Variants in SLC16A10 observed in about 807,000 individuals in gnomAD.
The protein encoded by SLC16A10 is monocarboxylate transporter 10.
SLC16A10 carries 27 observed loss-of-function variants against 40.0 expected under a neutral mutation model. The ratio of observed to expected loss-of-function variants is 0.67; its 90% CI spans 0.50 to 0.93. The LOEUF is 0.93. SLC16A10 is among the 40% of genes least tolerant of loss of function. SLC16A10 has a pLI of 0.00. For synonymous variants in SLC16A10, 213 were observed against 249.8 expected, an observed-to-expected ratio of 0.85 and a Z score of 1.39; for missense variants, 529 against 658.2, an observed-to-expected ratio of 0.80 and a Z score of 2.15.
At chr6:111,094,110 C>T (rs1771030826) in intron 1 of SLC16A10, among the ~76,000 whole-genome samples, 1 of 152,114 alleles carries the variant, frequency 6.6e-6, no homozygotes, top group Non-Finnish European at 1.5e-5. Context: ...CACATTTTTT[C>T]AGGAGCGATT....
intron 3 of SLC16A10, among the ~76,000 whole-genome samples, chr6:111,188,011 A>C (rs1031847464): frequency 6.6e-6 from 1 of 152,106 alleles, no homozygotes; most frequent in Non-Finnish European, 1.5e-5. Flanking sequence ...ATCTCTGTTC[A>C]CTATAAGGTT....
intron 1 of SLC16A10, among the ~76,000 whole-genome samples, chr6:111,100,110 C>T (rs757419095): frequency 1.3e-5 from 2 of 151,438 alleles, no homozygotes; most frequent in African/African-American, 2.4e-5. Context: ...ATTTAAACTA[C>T]TACATTTAAA....
At chr6:111,191,574 A>G (rs1361003426) in intron 3 of SLC16A10, among the ~76,000 whole-genome samples, 5 of 152,192 alleles carry the variant, frequency 3.3e-5, no homozygotes, top group African/African-American at 7.2e-5. Flanking sequence ...TTCTGGTTCA[A>G]GTTCCTTGAG....
intron 2 of SLC16A10, among the ~76,000 whole-genome samples, chr6:111,174,786 C>T (rs1049415042): frequency 2.6e-5 from 4 of 152,238 alleles, no homozygotes; most frequent in Middle Eastern, 3.4e-3. Context: ...AGGTAGACAA[C>T]TTATGTAATC....
chr6:111,108,272 G>A (rs891259618), intron 1 of SLC16A10, among the ~76,000 whole-genome samples: 5 of 151,952 alleles, frequency 3.3e-5, no homozygotes, highest in Non-Finnish European at 5.9e-5. Context: ...CACCTGTCTC[G>A]GCCTTCCAAA....
chr6:111,174,295 C>T (rs1425381035), intron 2 of SLC16A10, among the ~76,000 whole-genome samples: 1 of 151,984 alleles, frequency 6.6e-6, no homozygotes, highest in Non-Finnish European at 1.5e-5. Context: ...AAAAATAAGT[C>T]AAATTTACAT....
rs1350895303 is a variant in SLC16A10 at position 111,229,045 on chromosome 6, A to AAT, written c.*6811_*6812insTA. 1 of 152,836 alleles carries AAT rather than the reference A, an allele frequency of 6.5e-6. No homozygotes were observed. The highest frequency in any genetic ancestry group is 1.9e-4 in the East Asian group (1 of 5,228). The allele number at this position is 152,836 out of a possible 1,614,324, so 9.5% of individuals were successfully genotyped here. A position where few individuals can be genotyped will look rare whatever the true frequency, so the allele number is the denominator to read the frequency against. ...ACTCTGTCTCAAAAAAAAAAAAAAA[A>AAT]AAAATAGTGCTGCATTTTGACCCTG... On this transcript the variant is annotated 3_prime_UTR_variant, in exon 6 of 6. Transcript: ENST00000368851.
chr6:111,111,447 A>G (rs1384662610), intron 1 of SLC16A10, among the ~76,000 whole-genome samples: 1 of 152,170 alleles, frequency 6.6e-6, no homozygotes, highest in East Asian at 1.9e-4. Context: ...TCATCTGGTC[A>G]TGGTGGCTCA....
chr6:111,164,062 A>G lies in SLC16A10; in HGVS notation c.344-8633A>G, dbSNP rs960968767. On this transcript the variant is annotated intron_variant, in intron 1 of 5. Transcript: ENST00000368851. ...CTAATGTTCAATTTACAGAAAAACC[A>G]TGTAATACCCTTTTGAATTTAGTCA... Among the ~76,000 whole-genome samples the G allele has an allele frequency of 9.2e-5, 14 of 152,370 alleles. 1 individual carries two copies. Among genetic ancestry groups the G allele is most frequent in the South Asian group, 2.1e-4 (1 of 4,826 alleles).
At position 111,104,738 on chromosome 6, in the gene SLC16A10, G is replaced by A. The variant is rs1040773359; in HGVS notation, c.343+16643G>A. Among the ~76,000 whole-genome samples the A allele has an allele frequency of 3.2e-4, 49 of 152,278 alleles. 1 individual carries two copies. The highest frequency in any genetic ancestry group is 1.2e-3 in the African/African-American group (48 of 41,558). On this transcript the variant is annotated intron_variant, in intron 1 of 5. Transcript: ENST00000368851. The stretch of plus-strand genomic sequence containing the variant: ...CTTTGGAAAGAACATGTATCTCTAA[G>A]AGGAACATGACATAATGGAAACCCA...
chr6:111,121,010 A>G (rs1771573619), intron 1 of SLC16A10, among the ~76,000 whole-genome samples: 1 of 152,196 alleles, frequency 6.6e-6, no homozygotes, highest in African/African-American at 2.4e-5. Flanking sequence ...CCCTAATAGA[A>G]AAAAATATAT....
At chr6:111,189,825 T>C (rs761538258) in intron 3 of SLC16A10, among the ~76,000 whole-genome samples, 1 of 152,162 alleles carries the variant, frequency 6.6e-6, no homozygotes, top group African/African-American at 2.4e-5. Context: ...TCCCATGATA[T>C]GTGGGGATTA....
chr6:111,210,728 G>T (rs1273763755), intron 4 of SLC16A10, among the ~76,000 whole-genome samples: 1 of 152,152 alleles, frequency 6.6e-6, no homozygotes, highest in Non-Finnish European at 1.5e-5. Flanking sequence ...AGGATGAAGA[G>T]ACTTTGCTTT....
intron 3 of SLC16A10, among the ~76,000 whole-genome samples, chr6:111,206,276 C>T (rs550195828): frequency 3.9e-5 from 6 of 152,180 alleles, no homozygotes; most frequent in East Asian, 1.9e-4. Flanking sequence ...GAGGTTTCAC[C>T]ACGTTGGCCA....
rs1383551524 is a variant in SLC16A10 at position 111,087,811 on chromosome 6, T to C, written c.59T>C (p.Leu20Pro). 1 of 1,216,020 alleles carries C rather than the reference T, an allele frequency of 8.2e-7. No individual in the cohort carries two copies. The highest frequency in any genetic ancestry group is 3.5e-5 in the East Asian group (1 of 28,344). The allele number at this position is 1,216,020 out of a possible 1,614,324, so 75.3% of individuals were successfully genotyped here. ...CGGGGCACGAGCGAGGCGCAGCCGCTCGGCCCCGCGCCCACGGGGGCCGCT... is the reference window on the plus strand; with the variant it reads ...CGGGGCACGAGCGAGGCGCAGCCGCCCGGCCCCGCGCCCACGGGGGCCGCT... ...SARGTSEAQP[L>P]GPAPTGAAPP... Residue 20 changes from leucine (L) to proline (P), a missense_variant, in exon 1 of 6, where the codon CTC (leucine) becomes CCC (proline). Physicochemically the swap from Leu to Pro is moderately conservative, Grantham distance 98. Transcript: ENST00000368851.
chr6:111,153,488 T>C (rs1181790711), intron 1 of SLC16A10, among the ~76,000 whole-genome samples: 1 of 151,952 alleles, frequency 6.6e-6, no homozygotes, highest in Non-Finnish European at 1.5e-5. Flanking sequence ...TAAACTGAGA[T>C]TGTGCCACTA....
chr6:111,203,285 A>G (rs1015629039), intron 3 of SLC16A10, among the ~76,000 whole-genome samples: 1 of 152,232 alleles, frequency 6.6e-6, no homozygotes, highest in Non-Finnish European at 1.5e-5. Context: ...TCAGTGAGAA[A>G]GGATCCAGAG....
chr6:111,112,567 G>C (rs1771409293), intron 1 of SLC16A10, among the ~76,000 whole-genome samples: 1 of 152,236 alleles, frequency 6.6e-6, no homozygotes. Context: ...CTGAACAAAT[G>C]AAAGTCCTTC....
chr6:111,209,137 T>C (rs941205022), intron 4 of SLC16A10, among the ~76,000 whole-genome samples: 11 of 151,986 alleles, frequency 7.2e-5, no homozygotes, highest in African/African-American at 2.4e-4. Flanking sequence ...CCTAGGACTT[T>C]GAGATTACAG....
Sources: gnomAD v4.1 joint callset for allele counts (sites outside exome capture counted in the v4.1 genomes callset) on GRCh38, gnomAD v4.1.1 for gene constraint, MANE v1.5 for transcripts, NCBI Gene and HGNC (gene_info 2026-07-23, HGNC 2026-07-21) for gene names.